ITGA7: variants seen among roughly 807,000 people sequenced by gnomAD.
ITGA7 encodes integrin alpha-7.
In ITGA7, 84 loss-of-function variants were observed where a neutral mutation model predicts 131.6. That is an observed-to-expected ratio of 0.64 (90% CI 0.54 to 0.77). The LOEUF is 0.77. Among genes scored for constraint, ITGA7 ranks in the 30% least tolerant of loss-of-function variants. The pLI is 0.00. For synonymous variants in ITGA7, 548 were observed against 600.7 expected, an observed-to-expected ratio of 0.91 and a Z score of 1.28; for missense variants, 1,399 against 1,482.9, an observed-to-expected ratio of 0.94 and a Z score of 0.93.
chr12:55,715,779 G>A (rs1363427766), upstream of ITGA7: 1 of 371,560 alleles, frequency 2.7e-6, no homozygotes, highest in Non-Finnish European at 4.9e-6. Context: ...ATTTAAATGA[G>A]GCCAGGGAGC....
chr12:55,708,810 G>T (rs572501511), upstream of ITGA7, among the ~76,000 whole-genome samples: 1 of 152,328 alleles, frequency 6.6e-6, no homozygotes, highest in Admixed American at 6.5e-5. Flanking sequence ...GGAGGGGGCA[G>T]AGTCCTGGAC....
chr12:55,694,556 G>C lies in ITGA7; in HGVS notation c.2278-34C>G, dbSNP rs758943926. 1 of 1,613,034 alleles carries C rather than the reference G, an allele frequency of 6.2e-7. No individual in the cohort carries two copies. Among genetic ancestry groups the C allele is most frequent in the South Asian group, 1.1e-5 (1 of 91,056 alleles). On this transcript the variant is annotated intron_variant, in intron 16 of 24. Coordinates refer to ENST00000257879, the MANE Select transcript of ITGA7 (RefSeq NM_002206.3). This position sits in a 1 kb window ranked among gnomAD's most constrained non-coding sequence, Gnocchi z 5.3. Reference sequence around the variant, plus strand: ...AGGGTGGAAAGAGATTAGAGTCAGGGGTGGTCTACGGGCTTATGGAGAGGC... The same window carrying C: ...AGGGTGGAAAGAGATTAGAGTCAGGCGTGGTCTACGGGCTTATGGAGAGGC...
At chr12:55,716,231 G>C (rs572247334), upstream of ITGA7, 5 of 1,577,008 alleles carry the variant, frequency 3.2e-6, no homozygotes, top group Non-Finnish European at 4.3e-6. Flanking sequence ...TTTTCTCTTC[G>C]GCCGCGGCCT....
In ITGA7 at chr12:55,688,311, A is replaced by G. The variant is rs1433280465; in HGVS notation, c.2959-11T>C. 1.3e-6 allele frequency: 2 copies of G among 1,595,014 alleles called. No individual in the cohort carries two copies. Among genetic ancestry groups the G allele is most frequent in the Non-Finnish European group, 1.7e-6 (2 of 1,162,890 alleles). Reference sequence around the variant, plus strand: ...CACAGCTGAGTACTCCTAAGGGAACAGGGAAGGAGACCCTTCTCCTAAATG... The same window carrying G: ...CACAGCTGAGTACTCCTAAGGGAACGGGGAAGGAGACCCTTCTCCTAAATG... On this transcript the variant is annotated splice_polypyrimidine_tract_variant and intron_variant, in intron 22 of 24. Transcript: ENST00000257879.
intron 5 of ITGA7, chr12:55,699,547 A>C: frequency 2.4e-6 from 1 of 420,798 alleles, no homozygotes; most frequent in Non-Finnish European, 4.4e-6. Flanking sequence ...TGTGCCCACC[A>C]TCCATCCCCT....
Position 55,694,791 on chromosome 12 carries a change from G to A in ITGA7, c.2183C>T (p.Ala728Val), listed in dbSNP as rs750267153. 6.2e-7 allele frequency: 1 copy of A among 1,613,958 alleles called. No homozygotes were observed. Among genetic ancestry groups the A allele is most frequent in the East Asian group, 2.2e-5 (1 of 44,854 alleles). The change falls in exon 15 of 25, where the codon GCC becomes GTC. Residue 728 changes from alanine to valine, a missense_variant. By Grantham distance (64) the Ala-to-Val change is moderately conservative. Coordinates refer to ENST00000257879, the MANE Select transcript of ITGA7 (RefSeq NM_002206.3). The surrounding 1 kb of genome is among the most constrained non-coding windows in gnomAD (Gnocchi z 5.3). Reference protein sequence around the residue: ...PDSLHYSGVRALDPAEKPLCL... With the variant: ...PDSLHYSGVRVLDPAEKPLCL... ...CCAGGTCCTCACCGCAGGGTCCAGG[G>A]CCCGGACCCCTGAGTAGTGCAGTGA...
At chr12:55,705,883 GT>G (rs1448039836) in intron 1 of ITGA7, among the ~76,000 whole-genome samples, 3 of 152,214 alleles carry the variant, frequency 2.0e-5, no homozygotes, top group Non-Finnish European at 4.4e-5. Flanking sequence ...CAGGCAAGAA[GT>G]TTTTTTCATC....
chr12:55,714,239 G>A (rs1171576623), upstream of ITGA7, among the ~76,000 whole-genome samples: 2 of 151,756 alleles, frequency 1.3e-5, no homozygotes, highest in East Asian at 1.9e-4. Context: ...TAGGCCGGGC[G>A]CGGTGGCTCA....
intron 14 of ITGA7, 43 bp from the exon 15 acceptor site, chr12:55,695,013 C>A (rs370241873): frequency 2.3e-5 from 36 of 1,583,772 alleles, no homozygotes; most frequent in Non-Finnish European, 2.9e-5. Context: ...TGAACACCTC[C>A]CCCTACCATT....
Position 55,688,187 on chromosome 12 carries a change from A to G in ITGA7, c.3057+15T>C, listed in dbSNP as rs761881364. 29 of 1,613,596 alleles carry G rather than the reference A, an allele frequency of 1.8e-5. No individual in the cohort carries two copies. The Admixed American group carries it at 4.8e-4, about 27-fold the overall frequency. ...AGAGAGTCCTCCCCACCTATCCCCC[A>G]ACCCTGCAGCTCACCACTGTGGAGG... On this transcript the variant is annotated intron_variant, in intron 23 of 24. Coordinates refer to ENST00000257879, the MANE Select transcript of ITGA7 (RefSeq NM_002206.3).
chr12:55,715,076 G>T (rs548952604), upstream of ITGA7, among the ~76,000 whole-genome samples: 1 of 152,186 alleles, frequency 6.6e-6, no homozygotes, highest in South Asian at 2.1e-4. Context: ...GGTCAGCCTG[G>T]TCTCGAACTC....
At position 55,696,942 on chromosome 12, in the gene ITGA7, T is replaced by C; in HGVS notation, c.1694A>G (p.His565Arg). 1 of 1,614,188 alleles carries C rather than the reference T, an allele frequency of 6.2e-7. No homozygotes were observed. Reference sequence around the variant, plus strand: ...GTCTCCACAGACTCGGTCATGCTGGTGCTTCAGCCACACGGTGCCCGAGGC... The same window carrying C: ...GTCTCCACAGACTCGGTCATGCTGGCGCTTCAGCCACACGGTGCCCGAGGC... ...HQASGTVWLK[H>R]QHDRVCGDAM... The change falls in exon 12 of 25, where the codon CAC becomes CGC. Residue 565 changes from histidine to arginine, a missense_variant. Physicochemically the swap from His to Arg is conservative, Grantham distance 29. Coordinates refer to ENST00000257879, the MANE Select transcript of ITGA7 (RefSeq NM_002206.3).
chr12:55,686,267 G>T (rs1245849744), intron 24 of ITGA7: 1 of 1,348,440 alleles, frequency 7.4e-7, no homozygotes, highest in Admixed American at 1.9e-5. Context: ...CCCGGTGATA[G>T]TTGGTGGGAA....
Position 55,700,924 on chromosome 12 carries a change from C to T in ITGA7, c.645G>A (p.Gly215=), listed in dbSNP as rs772541336. Reference sequence around the variant, plus strand: ...CCTTCCAATTATAGGTTCCTGGGGCCCCAAAGAGGAGGTAGTGGCTATCAG... The same window carrying T: ...CCTTCCAATTATAGGTTCCTGGGGCTCCAAAGAGGAGGTAGTGGCTATCAG... ...FSPDSHYLLF[G]APGTYNWKGL... is the part of the protein sequence containing the mutation. The change falls in exon 4 of 25, where the codon GGG becomes GGA. Residue 215 remains glycine (G), a synonymous_variant. Transcript: ENST00000257879. 6.2e-7 allele frequency: 1 copy of T among 1,614,180 alleles called. No individual in the cohort carries two copies. The highest frequency in any genetic ancestry group is 1.1e-5 in the South Asian group (1 of 91,088).
At chr12:55,693,955 G>T in intron 19 of ITGA7, 66 bp downstream of exon 19, 1 of 1,312,634 alleles carries the variant, frequency 7.6e-7, no homozygotes, top group Non-Finnish European at 1.1e-6. Flanking sequence ...TGGGGACACA[G>T]CTCAGCCTCT....
At chr12:55,704,368 T>A (rs1874739127) in intron 1 of ITGA7, among the ~76,000 whole-genome samples, 1 of 152,176 alleles carries the variant, frequency 6.6e-6, no homozygotes. Context: ...CCATCCCTTG[T>A]CAGAGCCAGT....
At chr12:55,690,973 G>C (rs1052405596) in intron 21 of ITGA7, among the ~76,000 whole-genome samples, 1 of 151,900 alleles carries the variant, frequency 6.6e-6, no homozygotes, top group African/African-American at 2.4e-5. Context: ...CTGTTGTGGG[G>C]TGGGGGCAGT....
chr12:55,688,820 A>G, intron 22 of ITGA7, 24 bp downstream of exon 22: 2 of 1,558,014 alleles, frequency 1.3e-6, no homozygotes, highest in South Asian at 1.1e-5. Flanking sequence ...AGAAACACAG[A>G]CTAGAGCCGA....
At chr12:55,696,563 G>A (rs1872670112) in intron 12 of ITGA7, 131 bp from the exon 13 acceptor site, 1 of 1,069,270 alleles carries the variant, frequency 9.4e-7, no homozygotes, top group Non-Finnish European at 1.4e-6. Context: ...GAGAGGTGGA[G>A]AACTGAGCAA....
Sources: gnomAD v4.1 joint callset for allele counts (sites outside exome capture counted in the v4.1 genomes callset) on GRCh38, gnomAD v4.1.1 for gene constraint, Gnocchi (gnomAD v3.1) non-coding constraint, MANE v1.5 for transcripts, NCBI Gene and HGNC (gene_info 2026-07-23, HGNC 2026-07-21) for gene names.